Variants in CEP63 observed in about 807,000 individuals in gnomAD.
CEP63 encodes centrosomal protein 63.
CEP63 carries 84 observed loss-of-function variants against 89.1 expected under a neutral mutation model. The ratio of observed to expected loss-of-function variants is 0.94; its 90% CI spans 0.79 to 1.13. The LOEUF (loss-of-function observed/expected upper bound fraction) is 1.13, where lower values mean the gene tolerates loss of function less well. Ranked by LOEUF, CEP63 falls within the 50% of genes most tolerant of loss-of-function variation. The probability of loss-of-function intolerance (pLI) is 0.00; values close to 1 mark genes in which losing one functional copy is unlikely to be tolerated. For synonymous variants in CEP63, 267 were observed against 272.5 expected, an observed-to-expected ratio of 0.98 and a Z score of 0.20; for missense variants, 838 against 813.3, an observed-to-expected ratio of 1.03 and a Z score of -0.37.
At chr3:134,590,172 T>C (rs1288933990), downstream of CEP63, among the ~76,000 whole-genome samples, 1 of 152,084 alleles carries the variant, frequency 6.6e-6, no homozygotes, top group African/African-American at 2.4e-5. Flanking sequence ...ATCTGTACAT[T>C]GCCAAACCAC....
At chr3:134,645,772 A>G in the CEP63 span, among the ~76,000 whole-genome samples, 8 of 152,298 alleles carry the variant, frequency 5.3e-5, no homozygotes, top group East Asian at 1.5e-3. Flanking sequence ...GTCATCTTCT[A>G]TCAGCTGACA....
chr3:134,602,759 G>T, the CEP63 span, among the ~76,000 whole-genome samples: 2 of 152,170 alleles, frequency 1.3e-5, no homozygotes, highest in Non-Finnish European at 2.9e-5. Flanking sequence ...CCTGCCCTGT[G>T]TACTCCTCTC....
chr3:134,605,189 A>T, the CEP63 span, among the ~76,000 whole-genome samples: 5 of 152,084 alleles, frequency 3.3e-5, no homozygotes, highest in Non-Finnish European at 5.9e-5. Context: ...TTTGAGGGAC[A>T]GGTGGTCAGT....
the CEP63 span, chr3:134,607,383 C>T: frequency 1.0e-6 from 1 of 985,578 alleles, no homozygotes; most frequent in Middle Eastern, 5.2e-4. Context: ...CATTGCCCTG[C>T]AATGTGGGTT....
At chr3:134,489,016 G>A (rs1936710904) in intron 1 of CEP63, among the ~76,000 whole-genome samples, 1 of 151,990 alleles carries the variant, frequency 6.6e-6, no homozygotes, top group African/African-American at 2.4e-5. Flanking sequence ...TTAGCCGGGC[G>A]TGGTGGCATG....
At chr3:134,567,791 A>G (rs1957845232), downstream of CEP63, among the ~76,000 whole-genome samples, 1 of 152,208 alleles carries the variant, frequency 6.6e-6, no homozygotes, top group Admixed American at 6.5e-5. Flanking sequence ...GCAGGCAGCA[A>G]AGGCCACTCA....
intron 3 of CEP63, among the ~76,000 whole-genome samples, chr3:134,531,025 A>G (rs1160728410): frequency 1.3e-5 from 2 of 152,186 alleles, no homozygotes; most frequent in Non-Finnish European, 2.9e-5. Context: ...GTATCAAATC[A>G]TTGAAAAGTG....
chr3:134,637,897 C>T, the CEP63 span, among the ~76,000 whole-genome samples: 9 of 152,254 alleles, frequency 5.9e-5, no homozygotes, highest in African/African-American at 1.7e-4. Context: ...GGCTCATGTT[C>T]GGAGCACGGC....
At chr3:134,548,041 CT>C (rs2109733705) in intron 9 of CEP63, among the ~76,000 whole-genome samples, 1 of 152,240 alleles carries the variant, frequency 6.6e-6, no homozygotes. Context: ...CACTTGTGTC[CT>C]TTTTCTGTAG....
intron 2 of CEP63, among the ~76,000 whole-genome samples, chr3:134,499,062 A>G (rs10935116): frequency 0.11 from 16,791 of 152,206 alleles, 1,221 homozygotes; most frequent in Middle Eastern, 0.2. Flanking sequence ...AGAATGAGTT[A>G]GGAAAATTTT....
the CEP63 span, among the ~76,000 whole-genome samples, chr3:134,693,254 G>A: frequency 1.0e-3 from 154 of 152,206 alleles, no homozygotes; most frequent in African/African-American, 3.6e-3. Context: ...TGCCCTTTTC[G>A]CTTTTACACT....
At chr3:134,493,615 A>G (rs1938541151) in intron 1 of CEP63, among the ~76,000 whole-genome samples, 1 of 152,148 alleles carries the variant, frequency 6.6e-6, no homozygotes, top group Non-Finnish European at 1.5e-5. Flanking sequence ...ATAGATGCAA[A>G]TAAGGTGCAG....
At chr3:134,691,440 C>T in the CEP63 span, among the ~76,000 whole-genome samples, 1 of 151,370 alleles carries the variant, frequency 6.6e-6, no homozygotes, top group Admixed American at 6.6e-5. Flanking sequence ...CATGACAAGA[C>T]CCTGTCTCTA....
rs779176783 is a variant in CEP63 at position 134,532,865 on chromosome 3, C to T, written c.406C>T (p.Arg136Trp). The T allele has an allele frequency of 9.3e-6, 15 of 1,613,726 alleles. No individual in the cohort carries two copies. Among genetic ancestry groups the T allele is most frequent in the East Asian group, 6.7e-5 (3 of 44,830 alleles). ...AAATACCAAAAATCACAGGGAAGAT[C>T]GGTCTGAAATTGAGAGGTTAACTGC... ...RGNTKNHRED[R>W]SEIERLTAKI... is the part of the protein sequence containing the mutation. Residue 136 changes from arginine to tryptophan, a missense_variant, in exon 5 of 15, where the codon CGG becomes TGG. Physicochemically the swap from Arg to Trp is moderately radical, Grantham distance 101. Coordinates refer to ENST00000675561, the MANE Select transcript of CEP63 (RefSeq NM_001353108.3).
the CEP63 span, among the ~76,000 whole-genome samples, chr3:134,647,935 G>A: frequency 1.3e-5 from 2 of 152,216 alleles, no homozygotes; most frequent in Admixed American, 6.5e-5. Flanking sequence ...AATGGAAAAT[G>A]ACAGTTGCCA....
chr3:134,752,703 G>T, the CEP63 span, among the ~76,000 whole-genome samples: 18 of 152,340 alleles, frequency 1.2e-4, no homozygotes, highest in East Asian at 3.5e-3. Flanking sequence ...AGGTACAGGT[G>T]CACGGGACCA....
At chr3:134,651,035 G>T in the CEP63 span, 2 of 1,595,804 alleles carry the variant, frequency 1.3e-6, no homozygotes, top group East Asian at 2.3e-5. Context: ...CCCCGTGCGC[G>T]CAGCTGCCCC....
chr3:134,573,297 T>TTGGGGACTTA, intron 11 of CEP63, among the ~76,000 whole-genome samples: 1 of 152,222 alleles, frequency 6.6e-6, no homozygotes, highest in East Asian at 1.9e-4. Context: ...GCCGTTGCTT[T>TTGGGGACTTA]TGGGGACTTA....
the CEP63 span, among the ~76,000 whole-genome samples, chr3:134,755,114 C>T: frequency 1.3e-5 from 2 of 152,302 alleles, no homozygotes; most frequent in East Asian, 1.9e-4. Flanking sequence ...GGGTGCTGGG[C>T]CATGTTGTCT....
Sources: allele counts gnomAD v4.1 joint callset (sites outside exome capture counted in the v4.1 genomes callset), GRCh38; gene constraint gnomAD v4.1.1; transcripts MANE v1.5; gene names NCBI Gene and HGNC (gene_info 2026-07-23, HGNC 2026-07-21).